Variants in NOC3L observed in about 807,000 individuals in gnomAD.
NOC3L encodes the protein NOC3 like DNA replication regulator, also known as nucleolar complex protein 3 homolog.
NOC3L carries 85 observed loss-of-function variants against 102.5 expected under a neutral mutation model. That is an observed-to-expected ratio of 0.83 (90% CI 0.70 to 0.99). The LOEUF (loss-of-function observed/expected upper bound fraction) is 0.99, where lower values mean the gene tolerates loss of function less well. Among genes scored for constraint, NOC3L ranks in the 50% least tolerant of loss-of-function variants. NOC3L has a pLI of 0.00. For missense variants in NOC3L, 878 were observed against 914.9 expected, an observed-to-expected ratio of 0.96 and a Z score of 0.52; for synonymous variants, 303 against 309.4, an observed-to-expected ratio of 0.98 and a Z score of 0.22.
chr10:94,329,788 A>AC (rs2054135876), downstream of NOC3L: 1 of 123,226 alleles, frequency 8.1e-6, no homozygotes, highest in African/African-American at 3.0e-5. Context: ...AAAAAAAAAA[A>AC]AAAAAAAAAA....
the NOC3L span, chr10:94,321,886 T>A: frequency 6.2e-7 from 1 of 1,600,882 alleles, no homozygotes; most frequent in South Asian, 1.1e-5. Flanking sequence ...TCACATTTTT[T>A]CTTTTTAAAC....
chr10:94,317,381 C>T, the NOC3L span, among the ~76,000 whole-genome samples: 1 of 152,032 alleles, frequency 6.6e-6, no homozygotes, highest in Non-Finnish European at 1.5e-5. Context: ...GCTATGGGTC[C>T]AGTATTTTAT....
At position 94,341,351 on chromosome 10, in the gene NOC3L, ATAT is replaced by A. The variant is rs2054282027; in HGVS notation, c.1644+319_1644+321del. On this transcript the variant is annotated intron_variant, in intron 14 of 20. Coordinates refer to ENST00000371361, the MANE Select transcript of NOC3L (RefSeq NM_022451.11). ...TAAGGTGACTGATATCCCAAGTAAAATATTTACAAACTATATTATATGAATATA... is the reference window on the plus strand; with the variant it reads ...TAAGGTGACTGATATCCCAAGTAAAATTACAAACTATATTATATGAATATA... 2.0e-5 allele frequency among the ~76,000 whole-genome samples: 3 copies of A among 151,912 alleles called. No homozygotes were observed. In the South Asian group the frequency reaches 6.2e-4, roughly 31 times the overall value.
At chr10:94,337,130 A>C (rs1349007501) in intron 19 of NOC3L, among the ~76,000 whole-genome samples, 4 of 152,128 alleles carry the variant, frequency 2.6e-5, no homozygotes, top group African/African-American at 9.7e-5. Context: ...AAATTTTGTA[A>C]GTAAACAGTT....
chr10:94,339,697 C>T (rs771315526), intron 17 of NOC3L, 42 bp downstream of exon 17: 2 of 1,488,510 alleles, frequency 1.3e-6, no homozygotes, highest in Non-Finnish European at 1.8e-6. Context: ...AAAATCATTG[C>T]ATTATAAGAA....
At chr10:94,334,961 GAGAA>G (rs1308461101) in intron 19 of NOC3L, among the ~76,000 whole-genome samples, 3 of 152,168 alleles carry the variant, frequency 2.0e-5, no homozygotes, top group African/African-American at 7.2e-5. Flanking sequence ...AGACTCCAGA[GAGAA>G]AGCTAAGCTG....
chr10:94,340,760 T>C (rs1374184669), intron 14 of NOC3L, among the ~76,000 whole-genome samples: 1 of 151,778 alleles, frequency 6.6e-6, no homozygotes, highest in Non-Finnish European at 1.5e-5. Context: ...GGCGGGCAGA[T>C]CACGAGGTCA....
At position 94,356,630 on chromosome 10, in the gene NOC3L, C is replaced by T. The variant is rs1483419178; in HGVS notation, c.509-39G>A. The T allele has an allele frequency of 4.2e-6, 5 of 1,198,544 alleles. No individual in the cohort carries two copies. The East Asian group carries it at 7.0e-5, about 17-fold the overall frequency. 74.2% of individuals were successfully genotyped at this position (1,198,544 alleles called of 1,614,324 possible). ...ATATGTATTAAAACTGTGATATATA[C>T]TTAAGTGGTAAAAACTGTAAAGAAA... On this transcript the variant is annotated intron_variant, in intron 4 of 20. Transcript: ENST00000371361.
the NOC3L span, chr10:94,324,521 G>A: frequency 6.2e-7 from 1 of 1,614,132 alleles, no homozygotes; most frequent in East Asian, 2.2e-5. Context: ...CAAAGCAAGT[G>A]GAAAGGTGCA....
intron 19 of NOC3L, among the ~76,000 whole-genome samples, chr10:94,336,962 G>A (rs558272869): frequency 8.4e-4 from 128 of 151,562 alleles, no homozygotes; most frequent in Non-Finnish European, 1.4e-3. Context: ...CCAGCTACTC[G>A]GGAAGCTGAG....
At chr10:94,337,164 G>A (rs2054229237) in intron 19 of NOC3L, among the ~76,000 whole-genome samples, 1 of 152,030 alleles carries the variant, frequency 6.6e-6, no homozygotes, top group Non-Finnish European at 1.5e-5. Flanking sequence ...ACTCTTTTAG[G>A]AGGACCTTTT....
At chr10:94,335,384 C>CATT (rs2054206917) in intron 19 of NOC3L, among the ~76,000 whole-genome samples, 1 of 152,016 alleles carries the variant, frequency 6.6e-6, no homozygotes. Context: ...CTAAGGAAAA[C>CATT]ATGCCATAAA....
chr10:94,323,838 A>G, the NOC3L span, among the ~76,000 whole-genome samples: 17 of 152,234 alleles, frequency 1.1e-4, no homozygotes, highest in African/African-American at 4.1e-4. Context: ...TAATGAATTA[A>G]CAAATGCATC....
the NOC3L span, among the ~76,000 whole-genome samples, chr10:94,322,628 T>C: frequency 6.6e-6 from 1 of 151,228 alleles, no homozygotes; most frequent in African/African-American, 2.4e-5. Context: ...CTACTAAAAA[T>C]ACAAAAATTA....
chr10:94,347,572 G>T (rs968778649), intron 10 of NOC3L, among the ~76,000 whole-genome samples: 2 of 151,976 alleles, frequency 1.3e-5, no homozygotes, highest in Admixed American at 6.6e-5. Flanking sequence ...TATAATTTTA[G>T]CAATTCAACT....
chr10:94,356,538 C>T lies in NOC3L; in HGVS notation c.562G>A (p.Glu188Lys), dbSNP rs779003344. Residue 188 changes from glutamate (E) to lysine (K), a missense_variant, in exon 5 of 21, where the codon GAA (glutamate) becomes AAA (lysine). Transcript: ENST00000371361. ...EDQEEERELE[E>K]EIIEDPIQEL... ...AGTAACTGTAAAGACATATTACCTT[C>T]CTCAAGTTCCCTCTCTTCTTCTTGA... The T allele has an allele frequency of 6.4e-7, 1 of 1,572,356 alleles. No individual in the cohort carries two copies. The highest frequency in any genetic ancestry group is 1.1e-5 in the South Asian group (1 of 90,114).
At chr10:94,338,112 T>C (rs933214164) in intron 18 of NOC3L, among the ~76,000 whole-genome samples, 18 of 152,286 alleles carry the variant, frequency 1.2e-4, no homozygotes, top group African/African-American at 4.3e-4. Context: ...ACAATATAAA[T>C]AGAAAAATCA....
chr10:94,315,704 A>T, the NOC3L span, among the ~76,000 whole-genome samples: 1 of 145,004 alleles, frequency 6.9e-6, no homozygotes, highest in Admixed American at 7.2e-5. Context: ...GGGAAGGCGG[A>T]GGTTGCAGTG....
At chr10:94,341,326 T>C (rs1224645070) in intron 14 of NOC3L, among the ~76,000 whole-genome samples, 4 of 151,944 alleles carry the variant, frequency 2.6e-5, no homozygotes, top group African/African-American at 9.7e-5. Flanking sequence ...GACACATATT[T>C]AAGGTGACTG....
Sources: allele counts gnomAD v4.1 joint callset (sites outside exome capture counted in the v4.1 genomes callset), GRCh38; gene constraint gnomAD v4.1.1; transcripts MANE v1.5; gene names NCBI Gene and HGNC (gene_info 2026-07-23, HGNC 2026-07-21).